Variants in AXL observed in about 807,000 individuals in gnomAD.
AXL encodes the protein tyrosine-protein kinase receptor UFO.
In AXL, 52 loss-of-function variants were observed where a neutral mutation model predicts 104.5. The ratio of observed to expected loss-of-function variants is 0.50; its 90% CI spans 0.40 to 0.63. AXL has a LOEUF of 0.63. Among genes scored for constraint, AXL ranks in the 20% least tolerant of loss-of-function variants. The pLI is 0.00. For missense variants in AXL, 1,024 were observed against 1,188.5 expected (o/e 0.86, Z 2.04); for synonymous variants, 455 against 473.7 (o/e 0.96, Z 0.51).
At position 41,260,297 on chromosome 19, in the gene AXL, ACTTTTTT is replaced by A; in HGVS notation, c.*394_*400del. 1 of 69,180 alleles carries A rather than the reference ACTTTTTT, an allele frequency of 1.4e-5. No homozygotes were observed. Among genetic ancestry groups the A allele is most frequent in the Admixed American group, 1.7e-4 (1 of 5,940 alleles). The allele number at this position is 69,180 out of a possible 1,614,324, so 4.3% of individuals were successfully genotyped here. ...TTAAAGTGCTAAGGTTCTAAGGCCT[ACTTTTTT>A]TTTTTTTTTTTTTTTTTTTTTTTTT... is the stretch of plus-strand genomic sequence containing the variant. On this transcript the variant is annotated 3_prime_UTR_variant, in exon 20 of 20. Transcript: ENST00000301178.
rs890154902 is a variant in AXL, at chr19:41,253,053, C to T, written c.1926+86C>T. The T allele has an allele frequency of 1.2e-5, 18 of 1,453,696 alleles. No individual in the cohort carries two copies. In the Admixed American group the frequency reaches 1.9e-4, roughly 16 times the overall value. 90.0% of individuals were successfully genotyped at this position (1,453,696 alleles called of 1,614,324 possible). On this transcript the variant is annotated intron_variant, in intron 16 of 19. Transcript: ENST00000301178. Reference sequence around the variant, plus strand: ...TGCTGCTCAGACCCTGGGAAGACCACGGTGACCAGGAGCTTGCTCTCCTGG... The same window carrying T: ...TGCTGCTCAGACCCTGGGAAGACCATGGTGACCAGGAGCTTGCTCTCCTGG...
intron 19 of AXL, among the ~76,000 whole-genome samples, chr19:41,258,872 A>G (rs1265871306): frequency 6.6e-6 from 1 of 152,204 alleles, no homozygotes; most frequent in Non-Finnish European, 1.5e-5. Flanking sequence ...TTGGTTCAGG[A>G]TCTCTAATGA....
chr19:41,223,957 T>C (rs1040622368), intron 4 of AXL, among the ~76,000 whole-genome samples: 16 of 144,664 alleles, frequency 1.1e-4, no homozygotes, highest in Non-Finnish European at 1.6e-4. Flanking sequence ...CTTCTGTGGA[T>C]GTCCCATGTG....
rs548824781 is a variant in AXL, at chr19:41,226,860, G to A, written c.587-4107G>A. On this transcript the variant is annotated intron_variant, in intron 4 of 19. Coordinates refer to ENST00000301178, the MANE Select transcript of AXL (RefSeq NM_021913.5). ...CTGCGATCCAGCACTTTGGGAGGCC[G>A]AGGCGGGAGGATCGCTTGGGGCCAG... The A allele has an allele frequency of 4.3e-6, 4 of 926,218 alleles. No homozygotes were observed. The African/African-American group carries it at 5.4e-5, about 12-fold the overall frequency. 57.4% of individuals were successfully genotyped at this position (926,218 alleles called of 1,614,324 possible).
rs1400361899 is a variant in AXL, at chr19:41,239,253, C to T, written c.1224C>T (p.Ala408=). The T allele has an allele frequency of 6.2e-7, 1 of 1,611,000 alleles. No individual in the cohort carries two copies. The highest frequency in any genetic ancestry group is 1.7e-5 in the Admixed American group (1 of 59,632). The change falls in exon 9 of 20, where the codon GCC becomes GCT. Residue 408 remains alanine, a synonymous_variant. Coordinates refer to ENST00000301178, the MANE Select transcript of AXL (RefSeq NM_021913.5). Reference sequence around the variant, plus strand: ...CCAATCTGACAGTGTGTGTGGCAGCCTACACTGCTGCTGGGGATGGACCCT... The same window carrying T: ...CCAATCTGACAGTGTGTGTGGCAGCTTACACTGCTGCTGGGGATGGACCCT... The part of the protein sequence containing the change: ...SVSNLTVCVA[A]YTAAGDGPWS...
At chr19:41,255,067 A>G (rs573293808) in intron 17 of AXL, among the ~76,000 whole-genome samples, 9 of 152,312 alleles carry the variant, frequency 5.9e-5, no homozygotes, top group African/African-American at 2.2e-4. Context: ...TCGTCTTCCC[A>G]ATCACTACCG....
At position 41,260,101 on chromosome 19, in the gene AXL, C is replaced by T. The variant is rs1599746313; in HGVS notation, c.*197C>T. 1.1e-5 allele frequency: 6 copies of T among 537,096 alleles called. No individual in the cohort carries two copies. In the East Asian group the frequency reaches 1.8e-4, roughly 16 times the overall value. 33.3% of individuals were successfully genotyped at this position (537,096 alleles called of 1,614,324 possible). ...ATCACCTTGAAAGCAGTAGCATCAC[C>T]ATCTGTAAAAGGAAGGGGTTGGATT... On this transcript the variant is annotated 3_prime_UTR_variant, in exon 20 of 20. Coordinates refer to ENST00000301178, the MANE Select transcript of AXL (RefSeq NM_021913.5).
intron 6 of AXL, among the ~76,000 whole-genome samples, chr19:41,232,735 G>A (rs1484695354): frequency 6.6e-6 from 1 of 152,190 alleles, no homozygotes; most frequent in Non-Finnish European, 1.5e-5. Flanking sequence ...AGATTAGAAA[G>A]TTGGAGATGG....
rs1301191228 is a variant in AXL at position 41,219,467 on chromosome 19, G to T, written c.75G>T (p.Met25Ile). ...TGGCGCTGTGCGGCTGGGCGTGCAT[G>T]GCCCCCAGGGGTGAGTGATGGGGGC... ...WCLALCGWAC[M>I]APRGTQAEES... is the part of the protein sequence containing the mutation. The change falls in exon 1 of 20, where the codon ATG (methionine) becomes ATT (isoleucine). Residue 25 changes from methionine (M) to isoleucine (I), a missense_variant. Around this residue, in one of 5 missense-constraint regions of AXL, gnomAD observed 124 missense variants for 115.5 expected, o/e 1.07. Coordinates refer to ENST00000301178, the MANE Select transcript of AXL (RefSeq NM_021913.5). 6.2e-7 allele frequency: 1 copy of T among 1,604,500 alleles called. No individual in the cohort carries two copies. The highest frequency in any genetic ancestry group is 1.3e-5 in the African/African-American group (1 of 74,810).
intron 14 of AXL, among the ~76,000 whole-genome samples, chr19:41,252,142 T>A (rs35310790): frequency 0.17 from 20,415 of 122,344 alleles, 1,596 homozygotes; most frequent in East Asian, 0.28. Flanking sequence ...AATATATATT[T>A]TATATATATA....
At chr19:41,254,576 G>T (rs897394137) in intron 17 of AXL, among the ~76,000 whole-genome samples, 1 of 151,874 alleles carries the variant, frequency 6.6e-6, no homozygotes. Flanking sequence ...AGCCAGAATA[G>T]AGGGTAAGGG....
rs752290869 is a variant in AXL, at chr19:41,259,910, C to G, written c.*6C>G. 4.5e-6 allele frequency: 7 copies of G among 1,549,352 alleles called. No individual in the cohort carries two copies. In the South Asian group the frequency reaches 8.6e-5, roughly 19 times the overall value. On this transcript the variant is annotated 3_prime_UTR_variant, in exon 20 of 20. Coordinates refer to ENST00000301178, the MANE Select transcript of AXL (RefSeq NM_021913.5). ...GGCAGGAGGATGGTGCCTGAGACAA[C>G]CCTCCACCTGGTACTCCCTCTCAGG...
At position 41,257,508 on chromosome 19, in the gene AXL, A is replaced by G; in HGVS notation, c.2212A>G (p.Thr738Ala). ...CCCCTCACAGTGGTCCTTCGGGGTG[A>G]CAATGTGGGAGATTGCCACAAGAGG... ...SKSDVWSFGV[T>A]MWEIATRGQT... The change falls in exon 19 of 20, where the codon ACA becomes GCA. Residue 738 changes from threonine (T) to alanine (A), a missense_variant. By Grantham distance (58) the Thr-to-Ala change is moderately conservative. Transcript: ENST00000301178. 6.2e-7 allele frequency: 1 copy of G among 1,614,094 alleles called. No homozygotes were observed. The highest frequency in any genetic ancestry group is 2.2e-5 in the East Asian group (1 of 44,890).
intron 14 of AXL, among the ~76,000 whole-genome samples, chr19:41,249,237 G>A (rs2034321125): frequency 6.6e-6 from 1 of 151,456 alleles, no homozygotes; most frequent in Non-Finnish European, 1.5e-5. Flanking sequence ...CCAGGAGTTT[G>A]AGACCAGCCT....
intron 12 of AXL, among the ~76,000 whole-genome samples, chr19:41,244,942 T>C (rs2034247033): frequency 6.6e-6 from 1 of 152,000 alleles, no homozygotes; most frequent in African/African-American, 2.4e-5. Flanking sequence ...CTATTTTTTT[T>C]TTTTTTTTGA....
rs1173613343 is a variant in AXL, at chr19:41,261,448, A to G, written c.*1544A>G. ...GTAGTTCTAAGACTCAAATGTTCTA[A>G]GTTTCTAAGATTCTAAAGGTCCACA... On this transcript the variant is annotated 3_prime_UTR_variant, in exon 20 of 20. Transcript: ENST00000301178. The G allele has an allele frequency of 6.6e-6, 1 of 152,494 alleles. No homozygotes were observed. Among genetic ancestry groups the G allele is most frequent in the East Asian group, 1.9e-4 (1 of 5,206 alleles). 9.4% of individuals were successfully genotyped at this position (152,494 alleles called of 1,614,324 possible).
At position 41,221,920 on chromosome 19, in the gene AXL, G is replaced by A. The variant is rs1358417598; in HGVS notation, c.450G>A (p.Val150=). Residue 150 remains valine (V), a synonymous_variant, in exon 4 of 20, where the codon GTG becomes GTA. Coordinates refer to ENST00000301178, the MANE Select transcript of AXL (RefSeq NM_021913.5). The part of the protein sequence containing the change: ...YFLEEPEDRT[V]AANTPFNLSC... Reference sequence around the variant, plus strand: ...TGGAGGAGCCCGAAGACAGGACTGTGGCCGCCAACACCCCCTTCAACCTGA... The same window carrying A: ...TGGAGGAGCCCGAAGACAGGACTGTAGCCGCCAACACCCCCTTCAACCTGA... 2 of 1,613,610 alleles carry A rather than the reference G, an allele frequency of 1.2e-6. No homozygotes were observed. The highest frequency in any genetic ancestry group is 1.7e-6 in the Non-Finnish European group (2 of 1,179,924).
At chr19:41,225,961 G>A (rs189399961) in intron 4 of AXL, among the ~76,000 whole-genome samples, 85 of 152,312 alleles carry the variant, frequency 5.6e-4, no homozygotes, top group South Asian at 2.5e-3. Flanking sequence ...AGCTGGGGCG[G>A]AGAGCAGGGG....
intron 14 of AXL, among the ~76,000 whole-genome samples, chr19:41,249,710 C>T (rs559522679): frequency 7.8e-4 from 118 of 151,732 alleles, no homozygotes; most frequent in African/African-American, 2.6e-3. Context: ...GAGCCGAGAT[C>T]GTGCCACTGC....
Sources: allele counts gnomAD v4.1 joint callset (sites outside exome capture counted in the v4.1 genomes callset), GRCh38; gene constraint gnomAD v4.1.1; regional missense constraint gnomAD v4.1.1; transcripts MANE v1.5; gene names NCBI Gene and HGNC (gene_info 2026-07-23, HGNC 2026-07-21).